The following LRIG2 variants were observed in gnomAD, a reference collection of about 807,000 sequenced individuals.
The protein encoded by LRIG2 is leucine-rich repeats and immunoglobulin-like domains protein 2.
Under a neutral mutation model 107.8 loss-of-function variants are expected in LRIG2, and 93 were observed. That is an observed-to-expected ratio of 0.86 (90% CI 0.73 to 1.03). LRIG2 has a LOEUF of 1.03. Ranked by LOEUF, LRIG2 falls within the 50% of genes least tolerant of loss-of-function variation. The pLI is 0.00. For synonymous variants in LRIG2, 471 were observed against 470.6 expected (o/e 1.00, Z -0.01); for missense variants, 1,226 against 1,296.0 (o/e 0.95, Z 0.83).
At chr1:113,104,874 A>G (rs1728227) in intron 11 of LRIG2, among the ~76,000 whole-genome samples, 139,171 of 152,180 alleles carry the variant, frequency 0.91, 64,513 homozygotes, top group Non-Finnish European at 0.98. Flanking sequence ...TCAACCGGGC[A>G]CGATGGCTCA....
chr1:113,112,346 G>T, intron 13 of LRIG2, 133 bp from the exon 14 acceptor site: 2 of 782,838 alleles, frequency 2.6e-6, no homozygotes, highest in Non-Finnish European at 2.1e-6. Context: ...CTCTCAATCA[G>T]AGAGCCTGTC....
At chr1:113,107,030 C>A (rs998332404) in intron 11 of LRIG2, among the ~76,000 whole-genome samples, 1 of 151,904 alleles carries the variant, frequency 6.6e-6, no homozygotes, top group Admixed American at 6.6e-5. Context: ...ATTTCCCTCC[C>A]TCCTCCTCTC....
intron 12 of LRIG2, among the ~76,000 whole-genome samples, chr1:113,109,450 T>TC (rs1318699402): frequency 6.6e-6 from 1 of 152,238 alleles, no homozygotes; most frequent in Non-Finnish European, 1.5e-5. Flanking sequence ...TATTAGGTAT[T>TC]CTCTGTGAAA....
Position 113,096,378 on chromosome 1 carries a change from ATTCTCCTTTTTGGTTGTTG to A in LRIG2, c.1091+16_1091+34del, listed in dbSNP as rs749856547. ...ATCTTCAGACATTGTAAGTATATCC[ATTCTCCTTTTTGGTTGTTG>A]TTACTGATTTTTTTAGTACAATAAA... On this transcript the variant is annotated intron_variant, in intron 8 of 17. Transcript: ENST00000361127. The A allele has an allele frequency of 5.0e-6, 8 of 1,604,638 alleles. No individual in the cohort carries two copies. The African/African-American group carries it at 1.1e-4, about 22-fold the overall frequency.
At chr1:113,076,794 GTCT>G (rs1176947849) in intron 1 of LRIG2, among the ~76,000 whole-genome samples, 3 of 152,066 alleles carry the variant, frequency 2.0e-5, no homozygotes, top group Non-Finnish European at 2.9e-5. Flanking sequence ...CTCAGATACT[GTCT>G]TTATGCTTCT....
intron 1 of LRIG2, among the ~76,000 whole-genome samples, chr1:113,085,473 G>A (rs1429583507): frequency 5.9e-5 from 9 of 152,110 alleles, no homozygotes; most frequent in Admixed American, 5.2e-4. Flanking sequence ...TAGTAGAGAC[G>A]GGGTTTCTCC....
intron 16 of LRIG2, among the ~76,000 whole-genome samples, chr1:113,118,939 C>T (rs1655128065): frequency 6.6e-6 from 1 of 152,208 alleles, no homozygotes; most frequent in Admixed American, 6.5e-5. Flanking sequence ...GCTGGGATTA[C>T]AGGCGTGAGC....
At position 113,130,111 on chromosome 1, in the gene LRIG2, CCTGGGCTCAAGCAATCTCCCCA is replaced by C. The variant is rs1655648367; in HGVS notation, c.*6013_*6034del. On this transcript the variant is annotated 3_prime_UTR_variant, in exon 18 of 18. Transcript: ENST00000361127. Reference sequence around the variant, plus strand: ...TTGTTGCCCAGGCTGATCACAAACTCCTGGGCTCAAGCAATCTCCCCACTTAGGCCTCCCAAAGTGCAGGGAT... The same window carrying C: ...TTGTTGCCCAGGCTGATCACAAACTCCTTAGGCCTCCCAAAGTGCAGGGAT... The C allele has an allele frequency of 6.6e-6, 1 of 152,188 alleles. No individual in the cohort carries two copies. The highest frequency in any genetic ancestry group is 2.4e-5 in the African/African-American group (1 of 41,414). 9.4% of individuals were successfully genotyped at this position (152,188 alleles called of 1,614,324 possible).
At chr1:113,079,585 A>G (rs192298814) in intron 1 of LRIG2, among the ~76,000 whole-genome samples, 2 of 148,808 alleles carry the variant, frequency 1.3e-5, no homozygotes, top group African/African-American at 4.9e-5. Context: ...CTGGAGGCTG[A>G]GGCAGGAGAA....
At chr1:113,112,458 T>C (rs183947541) in intron 13 of LRIG2, 21 bp from the exon 14 acceptor site, 1 of 1,589,804 alleles carries the variant, frequency 6.3e-7, no homozygotes, top group Non-Finnish European at 8.6e-7. Context: ...CACTTTTTCT[T>C]GGTGATTTTT....
intron 15 of LRIG2, 100 bp from the exon 16 acceptor site, chr1:113,116,187 T>C (rs1218390425): frequency 8.4e-6 from 8 of 957,474 alleles, no homozygotes; most frequent in Non-Finnish European, 1.2e-5. Context: ...GTACAGTTTT[T>C]CTTGCTAATA....
chr1:113,098,816 A>G lies in LRIG2; in HGVS notation c.1172+31A>G, dbSNP rs757044969. The G allele has an allele frequency of 1.1e-5, 15 of 1,320,698 alleles. No homozygotes were observed. In the East Asian group the frequency reaches 2.5e-4, roughly 22 times the overall value. The allele number at this position is 1,320,698 out of a possible 1,614,324, so 81.8% of individuals were successfully genotyped here. On this transcript the variant is annotated intron_variant, in intron 9 of 17. Transcript: ENST00000361127. ...TATTATAATATTTATGTATGTCTAC[A>G]TAGGCATGTTTTCAAGAACCGGCTG...
chr1:113,089,778 C>T (rs139688181), intron 1 of LRIG2, among the ~76,000 whole-genome samples: 18 of 145,856 alleles, frequency 1.2e-4, no homozygotes, highest in Admixed American at 6.4e-4. Context: ...CTACAACCTC[C>T]GCCTCAAGGG....
At chr1:113,083,470 C>T (rs191253045) in intron 1 of LRIG2, among the ~76,000 whole-genome samples, 3 of 151,426 alleles carry the variant, frequency 2.0e-5, no homozygotes, top group South Asian at 2.1e-4. Flanking sequence ...CTCAGCCTCC[C>T]GAGTAGCTGG....
At chr1:113,093,658 G>A in intron 4 of LRIG2, 94 bp downstream of exon 4, 1 of 733,408 alleles carries the variant, frequency 1.4e-6, no homozygotes, top group South Asian at 1.6e-5. Flanking sequence ...AGCACTGGGA[G>A]ATATACCTAA....
chr1:113,073,525 C>A lies in LRIG2; in HGVS notation c.119C>A (p.Ala40Glu). 1.2e-6 allele frequency: 2 copies of A among 1,614,194 alleles called. No homozygotes were observed. The highest frequency in any genetic ancestry group is 1.7e-6 in the Non-Finnish European group (2 of 1,180,028). Residue 40 changes from alanine (A) to glutamate (E), a missense_variant, in exon 1 of 18, where the codon GCA becomes GAA. Transcript: ENST00000361127. The stretch of plus-strand genomic sequence containing the variant: ...CTCCTCCTGTTGCCCGCCGCCGGAG[C>A]AGGTCTCTGCCCCGCGCCCTGCTCC... ...TALLLLPAAG[A>E]GLCPAPCSCR...
At chr1:113,110,620 T>G in intron 13 of LRIG2, 58 bp downstream of exon 13, 1 of 1,226,650 alleles carries the variant, frequency 8.2e-7, no homozygotes, top group Non-Finnish European at 1.2e-6. Context: ...ATGTTCAGTT[T>G]TGAATCACTT....
intron 17 of LRIG2, among the ~76,000 whole-genome samples, chr1:113,121,137 G>GT (rs756558777): frequency 1.1e-4 from 16 of 152,046 alleles, no homozygotes; most frequent in Non-Finnish European, 2.2e-4. Flanking sequence ...TAAATGTTTT[G>GT]TTTTGTTGCT....
At chr1:113,113,527 CATTTATTTATTTATTTATTTATTTATTT>C (rs71590539) in intron 14 of LRIG2, among the ~76,000 whole-genome samples, 1 of 138,452 alleles carries the variant, frequency 7.2e-6, no homozygotes, top group African/African-American at 2.7e-5. Flanking sequence ...AATAAGAAGT[CATTTATTTATTTATTTATTTATTTATTT>C]ATTTATTTAT....
Sources: allele counts gnomAD v4.1 joint callset (sites outside exome capture counted in the v4.1 genomes callset), GRCh38; gene constraint gnomAD v4.1.1; transcripts MANE v1.5; gene names NCBI Gene and HGNC (gene_info 2026-07-23, HGNC 2026-07-21).